Variants in ARID3A observed in about 807,000 individuals in gnomAD.
The protein encoded by ARID3A is AT-rich interaction domain 3A, also known as AT-rich interactive domain-containing protein 3A.
In ARID3A, 11 loss-of-function variants were observed where a neutral mutation model predicts 52.7. The ratio of observed to expected loss-of-function variants is 0.21; its 90% CI spans 0.13 to 0.35. The LOEUF (loss-of-function observed/expected upper bound fraction) is 0.35, where lower values mean the gene tolerates loss of function less well. Ranked by LOEUF, ARID3A falls within the 10% of genes least tolerant of loss-of-function variation. The probability of loss-of-function intolerance (pLI) is 1.00; values close to 1 mark genes in which losing one functional copy is unlikely to be tolerated. For synonymous variants in ARID3A, 404 were observed against 359.4 expected (o/e 1.12, Z -1.40); for missense variants, 721 against 838.5 (o/e 0.86, Z 1.73).
Position 942,196 on chromosome 19 carries a change from G to A in ARID3A, c.693+9454G>A, listed in dbSNP as rs184804455. Among the ~76,000 whole-genome samples, 4 of 152,266 alleles carry A rather than the reference G, an allele frequency of 2.6e-5. No homozygotes were observed. The highest frequency in any genetic ancestry group is 7.2e-5 in the African/African-American group (3 of 41,566). ...CCCCCACCCTCTCCGACCCCGAGGA[G>A]CTGCCGGCAGAGCCCTGTCCACTCT... On this transcript the variant is annotated intron_variant, in intron 3 of 8. Transcript: ENST00000263620. This position sits in a 1 kb window ranked among gnomAD's most constrained non-coding sequence, Gnocchi z 8.1.
intron 3 of ARID3A, among the ~76,000 whole-genome samples, chr19:953,484 C>A (rs964685707): frequency 3.3e-5 from 5 of 152,082 alleles, no homozygotes; most frequent in Non-Finnish European, 5.9e-5. Flanking sequence ...CACCCCCCCC[C>A]GTGCAGAGCC....
At chr19:969,323 G>A (rs1218678202) in intron 8 of ARID3A, among the ~76,000 whole-genome samples, 1 of 151,904 alleles carries the variant, frequency 6.6e-6, no homozygotes, top group South Asian at 2.1e-4. Context: ...GATCACTTGA[G>A]CCCAGGAGTT....
At chr19:946,658 C>T (rs556628552) in intron 3 of ARID3A, among the ~76,000 whole-genome samples, 2 of 152,200 alleles carry the variant, frequency 1.3e-5, no homozygotes, top group East Asian at 3.9e-4. Context: ...CCAGGCTGGT[C>T]TCAAGCTCCT....
At chr19:953,981 G>A (rs1220472770) in intron 3 of ARID3A, among the ~76,000 whole-genome samples, 1 of 152,230 alleles carries the variant, frequency 6.6e-6, no homozygotes, top group Admixed American at 6.5e-5. Flanking sequence ...ACCGAGGTGG[G>A]AGGTGGAGGC....
intron 3 of ARID3A, among the ~76,000 whole-genome samples, chr19:956,319 G>C (rs1378466604): frequency 6.6e-6 from 1 of 152,130 alleles, no homozygotes; most frequent in African/African-American, 2.4e-5. Flanking sequence ...CAAGGTTCAA[G>C]TAACGAGCAT....
In ARID3A at chr19:965,154, C is replaced by G. The variant is rs534871866; in HGVS notation, c.1198+74C>G. The G allele has an allele frequency of 4.7e-4, 688 of 1,450,248 alleles. 1 individual carries two copies. Among genetic ancestry groups the G allele is most frequent in the Non-Finnish European group, 6.0e-4 (654 of 1,091,246 alleles). 89.8% of individuals were successfully genotyped at this position (1,450,248 alleles called of 1,614,324 possible). ...CTGGCTGTCTGACCTTGGGGGATAC[C>G]TCTTCCCCTCTCTGGGTAACCAGGA... On this transcript the variant is annotated intron_variant, in intron 6 of 8. Coordinates refer to ENST00000263620, the MANE Select transcript of ARID3A (RefSeq NM_005224.3).
Position 974,144 on chromosome 19 carries a change from G to A in ARID3A, c.*2079G>A, listed in dbSNP as rs557104882. 1.8e-5 allele frequency: 4 copies of A among 225,198 alleles called. No individual in the cohort carries two copies. The highest frequency in any genetic ancestry group is 2.7e-5 in the Non-Finnish European group (3 of 113,018). The allele number at this position is 225,198 out of a possible 1,614,324, so 13.9% of individuals were successfully genotyped here. On this transcript the variant is annotated 3_prime_UTR_variant, in exon 9 of 9. Transcript: ENST00000263620. ...CCATTGCCTTGGAGACCCCTGGGGA[G>A]GGGGCTGGGGGGCTTCTGAGCCCCT...
At chr19:937,631 G>A (rs182333767) in intron 3 of ARID3A, among the ~76,000 whole-genome samples, 85 of 149,848 alleles carry the variant, frequency 5.7e-4, no homozygotes, top group East Asian at 5.1e-3. Context: ...AGCTGCCCAC[G>A]TTACCTTCCC....
intron 3 of ARID3A, among the ~76,000 whole-genome samples, chr19:945,788 A>G (rs995565964): frequency 6.6e-6 from 1 of 152,122 alleles, no homozygotes; most frequent in African/African-American, 2.4e-5. Context: ...GGCCCCTTGC[A>G]CTGCCCGGCT....
chr19:940,595 T>C (rs953446017), intron 3 of ARID3A, among the ~76,000 whole-genome samples: 1 of 152,102 alleles, frequency 6.6e-6, no homozygotes, highest in Non-Finnish European at 1.5e-5. Context: ...AGGAGAATTT[T>C]CCCAGCACAG....
chr19:972,228 T>TAA lies in ARID3A; in HGVS notation c.*164_*165insAA, dbSNP rs1325953118. 2.3e-5 allele frequency: 5 copies of TAA among 214,978 alleles called. No individual in the cohort carries two copies. The South Asian group carries it at 9.2e-4, about 40-fold the overall frequency. The allele number at this position is 214,978 out of a possible 1,614,324, so 13.3% of individuals were successfully genotyped here. A position where few individuals can be genotyped will look rare whatever the true frequency, so the allele number is the denominator to read the frequency against. ...CCAAAAAGAAAAGAAAAAAGATATA[T>TAA]ATATATATATATATATATACACGTA... On this transcript the variant is annotated 3_prime_UTR_variant, in exon 9 of 9. Coordinates refer to ENST00000263620, the MANE Select transcript of ARID3A (RefSeq NM_005224.3).
At chr19:934,229 C>T (rs745577660) in intron 3 of ARID3A, among the ~76,000 whole-genome samples, 19 of 152,272 alleles carry the variant, frequency 1.2e-4, no homozygotes, top group Non-Finnish European at 2.6e-4. Flanking sequence ...CCCATTCAGT[C>T]GGTCCTTCGG....
Position 965,099 on chromosome 19 carries a change from C to A in ARID3A, c.1198+19C>A, listed in dbSNP as rs1461390338. 3.2e-6 allele frequency: 5 copies of A among 1,583,532 alleles called. No homozygotes were observed. Among genetic ancestry groups the A allele is most frequent in the Non-Finnish European group, 4.3e-6 (5 of 1,163,872 alleles). ...AAGAAAGGTAAGGGCCTGTATGGGG[C>A]CTGGGGCGTGTTCCCAACTGAGCTT... On this transcript the variant is annotated intron_variant, in intron 6 of 8. Transcript: ENST00000263620.
At chr19:939,837 G>A (rs1252132247) in intron 3 of ARID3A, among the ~76,000 whole-genome samples, 3 of 152,142 alleles carry the variant, frequency 2.0e-5, no homozygotes, top group African/African-American at 4.8e-5. Context: ...TTGGAGCAGT[G>A]TGGGGAGGAG....
intron 3 of ARID3A, chr19:958,256 C>T (rs2037963018): frequency 6.6e-6 from 1 of 151,202 alleles, no homozygotes; most frequent in African/African-American, 2.4e-5. Context: ...GAAACTCCGT[C>T]TCTACTAAAA....
chr19:943,328 G>A (rs2037597363), intron 3 of ARID3A, among the ~76,000 whole-genome samples: 1 of 151,934 alleles, frequency 6.6e-6, no homozygotes, highest in Non-Finnish European at 1.5e-5. Context: ...CAGCACTTTG[G>A]GAGGCCGAGG....
chr19:969,982 C>T (rs561445369), intron 8 of ARID3A, among the ~76,000 whole-genome samples: 12 of 151,982 alleles, frequency 7.9e-5, no homozygotes, highest in East Asian at 3.9e-4. Context: ...CATGAACCAC[C>T]GCGCCCACCC....
In ARID3A at chr19:926,861, T is replaced by C. The variant is rs572331526; in HGVS notation, c.-268+802T>C. On this transcript the variant is annotated intron_variant, in intron 1 of 8. Coordinates refer to ENST00000263620, the MANE Select transcript of ARID3A (RefSeq NM_005224.3). ...GGCGGGTTCAATTATCTTCCGTTTT[T>C]AGGCGCTCGGGCTGGAGGGGTTCCC... is the stretch of plus-strand genomic sequence containing the variant. 4.0e-4 allele frequency among the ~76,000 whole-genome samples: 61 copies of C among 152,052 alleles called. No individual in the cohort carries two copies. In the East Asian group the frequency reaches 0.01, roughly 26 times the overall value.
chr19:957,387 C>A (rs890437385), intron 3 of ARID3A, among the ~76,000 whole-genome samples: 7 of 152,348 alleles, frequency 4.6e-5, no homozygotes, highest in Middle Eastern at 3.4e-3. Context: ...CCGCACTCGC[C>A]GCTGTGTCTC....
Sources: gnomAD v4.1 joint callset for allele counts (sites outside exome capture counted in the v4.1 genomes callset) on GRCh38, gnomAD v4.1.1 for gene constraint, Gnocchi (gnomAD v3.1) non-coding constraint, MANE v1.5 for transcripts, NCBI Gene and HGNC (gene_info 2026-07-23, HGNC 2026-07-21) for gene names.